The following UNC5C variants were observed in gnomAD, a reference collection of about 807,000 sequenced individuals.
The protein encoded by UNC5C is unc-5 netrin receptor C.
A neutral mutation model predicts 99.8 loss-of-function variants in UNC5C; 47 were observed. The ratio of observed to expected loss-of-function variants is 0.47; its 90% confidence interval spans 0.37 to 0.60. The LOEUF (loss-of-function observed/expected upper bound fraction) is 0.60. UNC5C is among the 20% of genes least tolerant of loss of function. UNC5C has a pLI of 0.00. For synonymous variants in UNC5C, 487 were observed against 452.2 expected (o/e 1.08, Z -0.98); for missense variants, 1,062 against 1,165.9 (o/e 0.91, Z 1.30).
chr4:95,355,945 T>A (rs1744167464), intron 1 of UNC5C, among the ~76,000 whole-genome samples: 1 of 151,880 alleles, frequency 6.6e-6, no homozygotes. Context: ...ATTCCAGTAG[T>A]TTGGGGGACT....
intron 1 of UNC5C, among the ~76,000 whole-genome samples, chr4:95,449,177 C>T (rs113580148): frequency 6.6e-6 from 1 of 152,246 alleles, no homozygotes; most frequent in South Asian, 2.1e-4. Flanking sequence ...AAAGAAAGAC[C>T]ACTGTTACCT....
intron 1 of UNC5C, among the ~76,000 whole-genome samples, chr4:95,458,089 A>T (rs894893624): frequency 1.3e-5 from 2 of 152,060 alleles, no homozygotes; most frequent in East Asian, 1.9e-4. Context: ...CGTCACTTAA[A>T]TTTTTTATTA....
intron 1 of UNC5C, among the ~76,000 whole-genome samples, chr4:95,357,357 G>T (rs1411053589): frequency 6.6e-6 from 1 of 151,924 alleles, no homozygotes; most frequent in East Asian, 1.9e-4. Flanking sequence ...GCCCAGGCTG[G>T]TCTCAAACTC....
chr4:95,502,130 C>A (rs1269075040), intron 1 of UNC5C, among the ~76,000 whole-genome samples: 2 of 152,096 alleles, frequency 1.3e-5, no homozygotes, highest in African/African-American at 2.4e-5. Context: ...AGTAAAGGAG[C>A]ATTTACAGTT....
intron 1 of UNC5C, among the ~76,000 whole-genome samples, chr4:95,502,770 T>G (rs1721810064): frequency 6.6e-6 from 1 of 152,188 alleles, no homozygotes; most frequent in Admixed American, 6.6e-5. Flanking sequence ...TTGTTCCCTG[T>G]AACTTCCTCT....
At chr4:95,190,054 C>A (rs181714564) in intron 12 of UNC5C, among the ~76,000 whole-genome samples, 3 of 152,062 alleles carry the variant, frequency 2.0e-5, no homozygotes, top group Non-Finnish European at 4.4e-5. Context: ...ATGTTTATTG[C>A]GGCACTATTC....
At chr4:95,232,658 T>G (rs1391860160) in intron 7 of UNC5C, among the ~76,000 whole-genome samples, 1 of 152,188 alleles carries the variant, frequency 6.6e-6, no homozygotes, top group Admixed American at 6.5e-5. Flanking sequence ...ACCTGTTTGG[T>G]GCTCCGTAGG....
chr4:95,193,793 CCCT>C (rs1253809707), intron 12 of UNC5C, among the ~76,000 whole-genome samples: 4 of 152,194 alleles, frequency 2.6e-5, no homozygotes, highest in African/African-American at 9.6e-5. Context: ...ATGCTCTGTC[CCCT>C]CCTCTCCGGC....
chr4:95,181,480 C>G (rs908969107), intron 14 of UNC5C, among the ~76,000 whole-genome samples: 1 of 151,980 alleles, frequency 6.6e-6, no homozygotes, highest in East Asian at 1.9e-4. Flanking sequence ...ACCCCCTCAC[C>G]CCCCTCCAAA....
chr4:95,229,952 A>C (rs1196055552), intron 7 of UNC5C, among the ~76,000 whole-genome samples: 1 of 151,554 alleles, frequency 6.6e-6, no homozygotes, highest in East Asian at 1.9e-4. Context: ...CTGGGATTAC[A>C]GTCGTCTGCC....
intron 1 of UNC5C, among the ~76,000 whole-genome samples, chr4:95,521,500 G>A (rs1041668721): frequency 6.6e-6 from 1 of 152,094 alleles, no homozygotes; most frequent in Admixed American, 6.5e-5. Flanking sequence ...TTACAGGCAT[G>A]AGCCTCCACG....
At chr4:95,424,517 TC>T (rs1368431585) in intron 1 of UNC5C, among the ~76,000 whole-genome samples, 20 of 129,084 alleles carry the variant, frequency 1.5e-4, no homozygotes, top group African/African-American at 5.2e-4. Flanking sequence ...TTTTTTCTTT[TC>T]TTTTTTTTTT....
chr4:95,373,188 T>C (rs1257385247), intron 1 of UNC5C, among the ~76,000 whole-genome samples: 1 of 152,284 alleles, frequency 6.6e-6, no homozygotes, highest in East Asian at 1.9e-4. Flanking sequence ...CAGAGTGATC[T>C]TTTAAAAACA....
At chr4:95,276,747 C>A (rs910129300) in intron 4 of UNC5C, among the ~76,000 whole-genome samples, 1 of 151,964 alleles carries the variant, frequency 6.6e-6, no homozygotes, top group South Asian at 2.1e-4. Context: ...CTTAGTGCTG[C>A]GAGATAAGGT....
At chr4:95,325,071 C>T (rs1742836914) in intron 2 of UNC5C, among the ~76,000 whole-genome samples, 1 of 152,112 alleles carries the variant, frequency 6.6e-6, no homozygotes, top group Non-Finnish European at 1.5e-5. Context: ...TTGTTGAAGA[C>T]AGTTTAAGAG....
In UNC5C at chr4:95,198,496, T is replaced by C. The variant is rs569517165; in HGVS notation, c.2136+4235A>G. ...TGATGTGAATGCTACTAGAATAAGT[T>C]TGGGCAGAGAGACTGTGATTTAAGT... On this transcript the variant is annotated intron_variant, in intron 12 of 15. Transcript: ENST00000453304. 5.9e-5 allele frequency among the ~76,000 whole-genome samples: 9 copies of C among 152,208 alleles called. No individual in the cohort carries two copies. The South Asian group carries it at 1.9e-3, about 32-fold the overall frequency.
chr4:95,336,364 T>C (rs1277404267), intron 1 of UNC5C, among the ~76,000 whole-genome samples: 1 of 151,900 alleles, frequency 6.6e-6, no homozygotes, highest in Non-Finnish European at 1.5e-5. Context: ...AATAATAATC[T>C]TCCAATTGGG....
intron 1 of UNC5C, among the ~76,000 whole-genome samples, chr4:95,366,496 T>A (rs2621460): frequency 0.15 from 23,493 of 152,148 alleles, 2,047 homozygotes; most frequent in Admixed American, 0.2. Flanking sequence ...ATCTCTTTCC[T>A]GGATGGCTCT....
At chr4:95,442,423 G>A (rs184022682) in intron 1 of UNC5C, among the ~76,000 whole-genome samples, 1 of 147,938 alleles carries the variant, frequency 6.8e-6, no homozygotes, top group Non-Finnish European at 1.5e-5. Context: ...GCCCAGGCTG[G>A]TCTTAAGTTC....
Sources: allele counts gnomAD v4.1 joint callset (sites outside exome capture counted in the v4.1 genomes callset), GRCh38; gene constraint gnomAD v4.1.1; transcripts MANE v1.5; gene names NCBI Gene and HGNC (gene_info 2026-07-23, HGNC 2026-07-21).